Variants in SLC25A26 observed in about 807,000 individuals in gnomAD.
SLC25A26 encodes the protein mitochondrial S-adenosylmethionine carrier protein.
A neutral mutation model predicts 37.8 loss-of-function variants in SLC25A26; 36 were observed. The ratio of observed to expected loss-of-function variants is 0.95; its 90% CI spans 0.73 to 1.26. SLC25A26 has a LOEUF of 1.26. Among genes scored for constraint, SLC25A26 ranks in the 50% most tolerant of loss-of-function variants. SLC25A26 has a pLI of 0.00. For synonymous variants in SLC25A26, 129 were observed against 122.5 expected (o/e 1.05, Z -0.35); for missense variants, 390 against 331.1 (o/e 1.18, Z -1.38).
At chr3:66,316,012 A>C (rs1358730654) in intron 5 of SLC25A26, among the ~76,000 whole-genome samples, 1 of 152,150 alleles carries the variant, frequency 6.6e-6, no homozygotes, top group Non-Finnish European at 1.5e-5. Context: ...GTGTCTTTGC[A>C]TGTGAGATGG....
chr3:66,247,334 G>A (rs557374275), intron 3 of SLC25A26, among the ~76,000 whole-genome samples: 1 of 151,976 alleles, frequency 6.6e-6, no homozygotes, highest in East Asian at 1.9e-4. Flanking sequence ...TGAATGATGG[G>A]GTCTCACTCT....
Position 66,272,229 on chromosome 3 carries a change from G to A in SLC25A26, c.453+8850G>A, listed in dbSNP as rs539335527. Among the ~76,000 whole-genome samples the A allele has an allele frequency of 2.7e-4, 41 of 152,216 alleles. No homozygotes were observed. In the South Asian group the frequency reaches 7.3e-3, roughly 27 times the overall value. ...ACAGAAACTAAAGCTTGGTAAGTTT[G>A]TGGTTGGCCCAGGGTCTCATACCAG... is the stretch of plus-strand genomic sequence containing the variant. On this transcript the variant is annotated intron_variant, in intron 5 of 9. Coordinates refer to ENST00000354883, the MANE Select transcript of SLC25A26 (RefSeq NM_001379210.1).
At chr3:66,150,390 C>T (rs929537198) in intron 1 of SLC25A26, among the ~76,000 whole-genome samples, 69 of 149,922 alleles carry the variant, frequency 4.6e-4, no homozygotes, top group African/African-American at 1.5e-3. Flanking sequence ...CCCAGCTACT[C>T]AGGAGGCTGA....
At chr3:66,372,567 A>AT (rs374691661) in intron 9 of SLC25A26, among the ~76,000 whole-genome samples, 1 of 151,900 alleles carries the variant, frequency 6.6e-6, no homozygotes, top group Non-Finnish European at 1.5e-5. Context: ...GTCATGTGGA[A>AT]TTTTTTTTGC....
chr3:66,322,516 T>A (rs183895219), intron 5 of SLC25A26, among the ~76,000 whole-genome samples: 33 of 152,374 alleles, frequency 2.2e-4, no homozygotes, highest in African/African-American at 7.5e-4. Flanking sequence ...TCACAAAGCC[T>A]CATAACTGAG....
At chr3:66,150,509 AT>A (rs1456926236) in intron 1 of SLC25A26, among the ~76,000 whole-genome samples, 21 of 50,024 alleles carry the variant, frequency 4.2e-4, no homozygotes, top group Non-Finnish European at 7.4e-4. Context: ...AGACAAAAAA[AT>A]ATATATATAT....
At chr3:66,361,824 G>A (rs1468585332) in intron 6 of SLC25A26, among the ~76,000 whole-genome samples, 2 of 151,956 alleles carry the variant, frequency 1.3e-5, no homozygotes, top group Non-Finnish European at 2.9e-5. Context: ...AAAATTAGCC[G>A]GGCGTGTTGG....
chr3:66,259,201 G>C (rs566271790), intron 3 of SLC25A26, among the ~76,000 whole-genome samples: 1 of 152,150 alleles, frequency 6.6e-6, no homozygotes, highest in African/African-American at 2.4e-5. Context: ...ATTATGTACC[G>C]CCTTCCAGTG....
At chr3:66,221,000 C>A, upstream of SLC25A26, 1 of 1,359,330 alleles carries the variant, frequency 7.4e-7, no homozygotes, top group Non-Finnish European at 1.0e-6. Context: ...AAGTTCAAGA[C>A]AGACCCGCCT....
chr3:66,340,074 A>T (rs2076174220), intron 5 of SLC25A26, among the ~76,000 whole-genome samples: 1 of 151,994 alleles, frequency 6.6e-6, no homozygotes. Flanking sequence ...TTCCATCTGG[A>T]CATCCATTTT....
At chr3:66,345,219 C>G (rs375618523) in intron 5 of SLC25A26, among the ~76,000 whole-genome samples, 15 of 152,248 alleles carry the variant, frequency 9.9e-5, no homozygotes, top group African/African-American at 3.4e-4. Context: ...AGACCCACGT[C>G]CCCCTGTGTT....
At chr3:66,220,987 C>G (rs2071458251), upstream of SLC25A26, 1 of 1,213,226 alleles carries the variant, frequency 8.2e-7, no homozygotes, top group Admixed American at 2.0e-5. Context: ...CACGTGGTCC[C>G]GGAAGTTCAA....
chr3:66,295,370 C>T (rs2074862708), intron 5 of SLC25A26, among the ~76,000 whole-genome samples: 2 of 151,600 alleles, frequency 1.3e-5, no homozygotes, highest in Admixed American at 6.6e-5. Flanking sequence ...ATTACAGGCG[C>T]ATGCCACCAT....
chr3:66,376,898 A>C (rs1445119715), intron 9 of SLC25A26, among the ~76,000 whole-genome samples: 4 of 152,106 alleles, frequency 2.6e-5, no homozygotes, highest in Non-Finnish European at 4.4e-5. Flanking sequence ...TTAGTTTTTT[A>C]AACCTGTTTT....
intron 2 of SLC25A26, among the ~76,000 whole-genome samples, chr3:66,238,596 G>A (rs36185769): frequency 0.018 from 2,689 of 152,030 alleles, 37 homozygotes; most frequent in Non-Finnish European, 0.027. Context: ...TTATCCCGAC[G>A]TCACGTGATC....
At chr3:66,300,122 A>T (rs1470275531) in intron 5 of SLC25A26, among the ~76,000 whole-genome samples, 1 of 152,124 alleles carries the variant, frequency 6.6e-6, no homozygotes, top group African/African-American at 2.4e-5. Flanking sequence ...GCCCGTGTAA[A>T]AGGGTTTTTC....
At chr3:66,235,734 CTTT>C (rs1384020531) in intron 1 of SLC25A26, among the ~76,000 whole-genome samples, 1 of 152,106 alleles carries the variant, frequency 6.6e-6, no homozygotes, top group African/African-American at 2.4e-5. Context: ...TGTACATCAT[CTTT>C]TCTTTTTAAA....
intron 5 of SLC25A26, among the ~76,000 whole-genome samples, chr3:66,270,403 T>C (rs932564362): frequency 6.6e-6 from 1 of 152,188 alleles, no homozygotes; most frequent in South Asian, 2.1e-4. Context: ...TCCTACATAA[T>C]TCATTTTATT....
chr3:66,246,527 C>T (rs1429403109), intron 3 of SLC25A26, among the ~76,000 whole-genome samples: 1 of 152,186 alleles, frequency 6.6e-6, no homozygotes, highest in African/African-American at 2.4e-5. Flanking sequence ...GGAAAAGGCT[C>T]TAAGTTTCTA....
Sources: gnomAD v4.1 joint callset for allele counts (sites outside exome capture counted in the v4.1 genomes callset) on GRCh38, gnomAD v4.1.1 for gene constraint, MANE v1.5 for transcripts, NCBI Gene and HGNC (gene_info 2026-07-23, HGNC 2026-07-21) for gene names.